Variants in ABR observed in about 807,000 individuals in gnomAD.
ABR encodes active breakpoint cluster region-related protein.
ABR carries 35 observed loss-of-function variants against 107.2 expected under a neutral mutation model. The ratio of observed to expected loss-of-function variants is 0.33; its 90% CI spans 0.25 to 0.43. The LOEUF is 0.43. Ranked by LOEUF, ABR falls within the 20% of genes least tolerant of loss-of-function variation. The probability of loss-of-function intolerance (pLI) is 1.00; values close to 1 mark genes in which losing one functional copy is unlikely to be tolerated. For missense variants in ABR, 815 were observed against 1,115.2 expected (o/e 0.73, Z 3.83); for synonymous variants, 498 against 462.0 (o/e 1.08, Z -1.00).
chr17:1,078,966 C>T lies in ABR; in HGVS notation c.700+364G>A. On this transcript the variant is annotated intron_variant, in intron 6 of 22. Transcript: ENST00000302538. The surrounding 1 kb of genome is among the most constrained non-coding windows in gnomAD (Gnocchi z 7.5). ...CACCTTGCTGATGCTGCCGCACGGA[C>T]TCCAGCATCGGGCAGCCGCTCCGGA... 6.0e-6 allele frequency: 9 copies of T among 1,510,314 alleles called. No individual in the cohort carries two copies. The highest frequency in any genetic ancestry group is 8.0e-6 in the Non-Finnish European group (9 of 1,131,710). 93.6% of individuals were successfully genotyped at this position (1,510,314 alleles called of 1,614,324 possible). A position where few individuals can be genotyped will look rare whatever the true frequency, so the allele number is the denominator to read the frequency against.
chr17:1,038,665 C>G (rs1198758330), intron 16 of ABR, among the ~76,000 whole-genome samples: 1 of 152,214 alleles, frequency 6.6e-6, no homozygotes, highest in Non-Finnish European at 1.5e-5. Context: ...GCCCCCAGGC[C>G]ACGGCAAGGG....
At position 1,010,559 on chromosome 17, in the gene ABR, C is replaced by G. The variant is rs2070445961; in HGVS notation, c.2236+170G>C. On this transcript the variant is annotated intron_variant, in intron 20 of 22. Transcript: ENST00000302538. This position sits in a 1 kb window ranked among gnomAD's most constrained non-coding sequence, Gnocchi z 4.1. ...AAAGGGCCCAGTGTCTGCACCAGGTCCCAGCAGGCCACACCTCACCCTCGG... is the reference window on the plus strand; with the variant it reads ...AAAGGGCCCAGTGTCTGCACCAGGTGCCAGCAGGCCACACCTCACCCTCGG... 3.6e-6 allele frequency: 3 copies of G among 835,772 alleles called. No individual in the cohort carries two copies. In the East Asian group the frequency reaches 8.1e-5, roughly 22 times the overall value. The allele number at this position is 835,772 out of a possible 1,614,324, so 51.8% of individuals were successfully genotyped here.
chr17:1,129,054 G>C (rs967334487), intron 1 of ABR, among the ~76,000 whole-genome samples: 1 of 152,164 alleles, frequency 6.6e-6, no homozygotes, highest in East Asian at 1.9e-4. Context: ...TGACGTCCCC[G>C]CTTCGGTGCT....
chr17:1,092,981 G>A lies in ABR; in HGVS notation c.346-1131C>T, dbSNP rs1296859145. ...ACTACAGGCGCCCGCCACCACGCCT[G>A]GCTAATTTTTTTTGTATTTTTAGTA... is the stretch of plus-strand genomic sequence containing the variant. On this transcript the variant is annotated intron_variant, in intron 3 of 22. Transcript: ENST00000302538. The surrounding 1 kb of genome is among the most constrained non-coding windows in gnomAD (Gnocchi z 4.6). Among the ~76,000 whole-genome samples the A allele has an allele frequency of 6.6e-6, 1 of 151,268 alleles. No homozygotes were observed. Among genetic ancestry groups the A allele is most frequent in the Non-Finnish European group, 1.5e-5 (1 of 67,778 alleles).
chr17:1,143,816 G>C (rs1728682816), intron 1 of ABR, among the ~76,000 whole-genome samples: 2 of 152,164 alleles, frequency 1.3e-5, no homozygotes, highest in Admixed American at 6.5e-5. Context: ...GAGGCCCAGG[G>C]TGTCAGGGTG....
At position 1,148,535 on chromosome 17, in the gene ABR, C is replaced by T. The variant is rs1295239434; in HGVS notation, c.62-23168G>A. ...CCTGTTGGGAACCAGGATGCACAGC[C>T]GGAGGTGAGTGGTGGGTGAGCAAGC... On this transcript the variant is annotated intron_variant, in intron 1 of 22. Transcript: ENST00000302538. This position sits in a 1 kb window ranked among gnomAD's most constrained non-coding sequence, Gnocchi z 4.9. Among the ~76,000 whole-genome samples the T allele has an allele frequency of 3.3e-5, 5 of 152,190 alleles. No homozygotes were observed. In the East Asian group the frequency reaches 5.8e-4, roughly 18 times the overall value.
At chr17:1,194,965 T>A (rs975368995) in intron 1 of ABR, among the ~76,000 whole-genome samples, 2 of 148,452 alleles carry the variant, frequency 1.3e-5, no homozygotes, top group Admixed American at 6.8e-5. Context: ...ATTTTTTTTT[T>A]AATTTTGTAC....
At chr17:1,176,101 A>C (rs530499538) in intron 1 of ABR, among the ~76,000 whole-genome samples, 1 of 151,896 alleles carries the variant, frequency 6.6e-6, no homozygotes, top group South Asian at 2.1e-4. Context: ...CGTGTCAAAA[A>C]AAAAAAAGAA....
upstream of ABR, among the ~76,000 whole-genome samples, chr17:1,188,974 G>A (rs761197995): frequency 2.6e-5 from 4 of 152,128 alleles, no homozygotes; most frequent in Non-Finnish European, 5.9e-5. Flanking sequence ...AAGCACTTTC[G>A]GGTTCTGATC....
At chr17:1,109,043 C>G in intron 2 of ABR, 1 of 1,597,246 alleles carries the variant, frequency 6.3e-7, no homozygotes, top group East Asian at 2.4e-5. Context: ...GTCCAGCAAG[C>G]CTATCGCCTC....
intron 16 of ABR, chr17:1,031,743 C>G: frequency 1.6e-6 from 2 of 1,233,116 alleles, no homozygotes; most frequent in Non-Finnish European, 1.0e-6. Flanking sequence ...GTCGGTCATG[C>G]CGGGGGGGAC....
intron 16 of ABR, among the ~76,000 whole-genome samples, chr17:1,049,717 G>A (rs545121617): frequency 6.4e-4 from 97 of 152,232 alleles, no homozygotes; most frequent in African/African-American, 1.7e-3. Flanking sequence ...CCTCCCTCCC[G>A]TTCACCGACG....
At chr17:1,176,235 C>A (rs1476998933) in intron 1 of ABR, among the ~76,000 whole-genome samples, 4 of 152,192 alleles carry the variant, frequency 2.6e-5, no homozygotes, top group Non-Finnish European at 5.9e-5. Context: ...CCAGGTCCTG[C>A]AAGAGGCACA....
At chr17:1,174,622 G>C (rs972252982) in intron 1 of ABR, among the ~76,000 whole-genome samples, 1 of 152,176 alleles carries the variant, frequency 6.6e-6, no homozygotes, top group African/African-American at 2.4e-5. Context: ...ATGTTGCTTG[G>C]GGTAAGAGAA....
At chr17:1,196,625 A>G (rs1483207203) in intron 1 of ABR, among the ~76,000 whole-genome samples, 2 of 149,140 alleles carry the variant, frequency 1.3e-5, no homozygotes, top group Non-Finnish European at 3.0e-5. Context: ...AAATCCTGTC[A>G]GTGCTCTGAA....
At chr17:1,097,010 G>A (rs1221486447) in intron 3 of ABR, among the ~76,000 whole-genome samples, 5 of 151,974 alleles carry the variant, frequency 3.3e-5, no homozygotes, top group African/African-American at 1.2e-4. Flanking sequence ...GGGAAGGGGG[G>A]AACCTGCGCC....
intron 1 of ABR, among the ~76,000 whole-genome samples, chr17:1,185,906 G>C (rs1296925206): frequency 6.6e-6 from 1 of 151,652 alleles, no homozygotes; most frequent in East Asian, 2.0e-4. Context: ...CAGGATCTCG[G>C]CTCACTGCAA....
intron 1 of ABR, among the ~76,000 whole-genome samples, chr17:1,217,721 G>A (rs561198286): frequency 6.6e-6 from 1 of 152,292 alleles, no homozygotes; most frequent in South Asian, 2.1e-4. Context: ...TTGAGACGGA[G>A]TCTTGCTCTG....
exon 1 of ABR, among the ~76,000 whole-genome samples, chr17:1,229,697 G>A (rs899109159): frequency 2.0e-5 from 3 of 151,996 alleles, no homozygotes; most frequent in Non-Finnish European, 2.9e-5. Flanking sequence ...AAAGTCAAGT[G>A]TCCCCTTCCG....
Sources: gnomAD v4.1 joint callset for allele counts (sites outside exome capture counted in the v4.1 genomes callset) on GRCh38, gnomAD v4.1.1 for gene constraint, Gnocchi (gnomAD v3.1) non-coding constraint, MANE v1.5 for transcripts, NCBI Gene and HGNC (gene_info 2026-07-23, HGNC 2026-07-21) for gene names.